TBL1XR1: variants seen among roughly 807,000 people sequenced by gnomAD.
TBL1XR1 encodes TBL1X/Y related 1, also known as F-box-like/WD repeat-containing protein TBL1XR1.
In TBL1XR1, 5 loss-of-function variants were observed where a neutral mutation model predicts 66.9. The observed-to-expected ratio is 0.07, with a 90% CI of 0.04 to 0.16. The LOEUF is 0.16. TBL1XR1 is among the 10% of genes least tolerant of loss of function. TBL1XR1 has a pLI of 1.00. For missense variants in TBL1XR1, 238 were observed against 623.2 expected, an observed-to-expected ratio of 0.38 and a Z score of 6.58; for synonymous variants, 210 against 206.0, an observed-to-expected ratio of 1.02 and a Z score of -0.17.
At chr3:177,127,306 T>C (rs1560205306) in intron 1 of TBL1XR1, among the ~76,000 whole-genome samples, 1 of 152,208 alleles carries the variant, frequency 6.6e-6, no homozygotes, top group Non-Finnish European at 1.5e-5. Context: ...CTTAAAAGTG[T>C]TTAAAATTAT....
At chr3:177,160,578 A>G (rs943847540) in intron 1 of TBL1XR1, among the ~76,000 whole-genome samples, 1 of 151,978 alleles carries the variant, frequency 6.6e-6, no homozygotes, top group African/African-American at 2.4e-5. Flanking sequence ...TTCCAATTCC[A>G]GGATATATTA....
At chr3:177,149,348 C>G (rs1730618641) in intron 1 of TBL1XR1, among the ~76,000 whole-genome samples, 1 of 152,144 alleles carries the variant, frequency 6.6e-6, no homozygotes, top group Non-Finnish European at 1.5e-5. Context: ...TAGCACTCCC[C>G]CAATGACTCT....
intron 1 of TBL1XR1, among the ~76,000 whole-genome samples, chr3:177,186,701 T>A (rs1384031915): frequency 6.6e-6 from 1 of 152,200 alleles, no homozygotes; most frequent in Non-Finnish European, 1.5e-5. Flanking sequence ...TCACATACTT[T>A]CCAGACTATT....
At position 177,053,763 on chromosome 3, in the gene TBL1XR1, T is replaced by G; in HGVS notation, c.204+10A>C. On this transcript the variant is annotated intron_variant, in intron 4 of 15. Coordinates refer to ENST00000457928, the MANE Select transcript of TBL1XR1 (RefSeq NM_024665.7). ...GAAAAAAATCAGTATTTGAAATAAGTCTTCCTTACCTCATTAATACTAACT... is the reference window on the plus strand; with the variant it reads ...GAAAAAAATCAGTATTTGAAATAAGGCTTCCTTACCTCATTAATACTAACT... The G allele has an allele frequency of 1.2e-6, 2 of 1,609,142 alleles. No homozygotes were observed. The highest frequency in any genetic ancestry group is 1.7e-6 in the Non-Finnish European group (2 of 1,177,838).
intron 1 of TBL1XR1, among the ~76,000 whole-genome samples, chr3:177,118,223 G>A (rs556938344): frequency 4.6e-5 from 7 of 152,094 alleles, no homozygotes; most frequent in East Asian, 1.9e-4. Flanking sequence ...AAAATCACTC[G>A]ATCTTTTCAA....
At chr3:177,064,809 AAAACATAC>A in intron 3 of TBL1XR1, 103 bp downstream of exon 3, 2 of 745,366 alleles carry the variant, frequency 2.7e-6, no homozygotes, top group Non-Finnish European at 4.3e-6. Flanking sequence ...AGACATTAAG[AAAACATAC>A]AAAGTTCAAC....
rs116058418 is a variant in TBL1XR1, at chr3:177,130,882, G to A, written c.-121-32341C>T. Among the ~76,000 whole-genome samples, 1,263 of 152,198 alleles carry A rather than the reference G, an allele frequency of 8.3e-3. 29 individuals are homozygous for A. The highest frequency in any genetic ancestry group is 0.029 in the African/African-American group (1,206 of 41,536). On this transcript the variant is annotated intron_variant, in intron 1 of 15. Coordinates refer to ENST00000457928, the MANE Select transcript of TBL1XR1 (RefSeq NM_024665.7). ...GTGAAATTGGTTAAATTACTGAGCCGGACACAGAGGCTTGCACCTATAGTC... is the reference window on the plus strand; with the variant it reads ...GTGAAATTGGTTAAATTACTGAGCCAGACACAGAGGCTTGCACCTATAGTC...
chr3:177,092,831 A>G (rs939799520), intron 2 of TBL1XR1, among the ~76,000 whole-genome samples: 1 of 152,180 alleles, frequency 6.6e-6, no homozygotes, highest in Non-Finnish European at 1.5e-5. Context: ...AGATTTGCAC[A>G]TCCATGTTCA....
In TBL1XR1 at chr3:177,051,641, T is replaced by G; in HGVS notation, c.290A>C (p.Gln97Pro). The G allele has an allele frequency of 6.2e-7, 1 of 1,613,606 alleles. No individual in the cohort carries two copies. The highest frequency in any genetic ancestry group is 8.5e-7 in the Non-Finnish European group (1 of 1,179,734). Residue 97 changes from glutamine (Q) to proline (P), a missense_variant, in exon 5 of 16, where the codon CAA (glutamine) becomes CCA (proline). Physicochemically the swap from Gln to Pro is moderately conservative, Grantham distance 76. Coordinates refer to ENST00000457928, the MANE Select transcript of TBL1XR1 (RefSeq NM_024665.7). ...VMPDVVQTRQ[Q>P]AYRDKLAQQQ... Reference sequence around the variant, plus strand: ...CTGTGCAAGCTTATCTCTATAAGCTTGTTGTCTTGTTTGTACTACATCAGG... The same window carrying G: ...CTGTGCAAGCTTATCTCTATAAGCTGGTTGTCTTGTTTGTACTACATCAGG...
chr3:177,196,735 TC>T (rs538965738), intron 1 of TBL1XR1, among the ~76,000 whole-genome samples: 17 of 95,508 alleles, frequency 1.8e-4, no homozygotes, highest in Admixed American at 5.1e-4. Flanking sequence ...CCTGAAAGCC[TC>T]CCCCCCCAAA....
chr3:177,198,906 A>T (rs977944856), upstream of TBL1XR1, among the ~76,000 whole-genome samples: 9 of 137,034 alleles, frequency 6.6e-5, no homozygotes, highest in South Asian at 4.7e-4. Context: ...ACACACACAC[A>T]CTACTCGTAA....
At chr3:177,037,865 A>G in intron 12 of TBL1XR1, 1 of 455,672 alleles carries the variant, frequency 2.2e-6, no homozygotes, top group Non-Finnish European at 4.0e-6. Flanking sequence ...CATATGTCTC[A>G]TTGTATCACA....
At chr3:177,133,240 T>C (rs1332908847) in intron 1 of TBL1XR1, among the ~76,000 whole-genome samples, 3 of 152,234 alleles carry the variant, frequency 2.0e-5, no homozygotes, top group Middle Eastern at 3.4e-3. Context: ...TGAGCTAAGA[T>C]TGCGCCACTG....
chr3:177,189,075 G>A (rs979064884), intron 1 of TBL1XR1, among the ~76,000 whole-genome samples: 5 of 151,878 alleles, frequency 3.3e-5, no homozygotes, highest in Admixed American at 2.6e-4. Flanking sequence ...GGGCATGGTG[G>A]CACGTTCCTG....
chr3:177,074,748 A>G (rs1239884313), intron 2 of TBL1XR1, among the ~76,000 whole-genome samples: 2 of 152,242 alleles, frequency 1.3e-5, no homozygotes, highest in South Asian at 2.1e-4. Flanking sequence ...ACCTAATATA[A>G]CAAAATGTTA....
chr3:177,034,072 A>T, intron 13 of TBL1XR1, 126 bp downstream of exon 13: 1 of 1,075,540 alleles, frequency 9.3e-7, no homozygotes, highest in Non-Finnish European at 1.3e-6. Flanking sequence ...ACCAAAAACT[A>T]CTGAAATTGG....
At position 177,066,541 on chromosome 3, in the gene TBL1XR1, A is replaced by C. The variant is rs3979211; in HGVS notation, c.-45-1519T>G. 2.8e-3 allele frequency among the ~76,000 whole-genome samples: 420 copies of C among 152,334 alleles called. 2 individuals are homozygous for C. The highest frequency in any genetic ancestry group is 6.8e-3 in the Middle Eastern group (2 of 294). The stretch of plus-strand genomic sequence containing the variant: ...AGAAACTATATTCAGGAGGACCTTC[A>C]AGGCAGCACTAAGAGAAAACAAATC... On this transcript the variant is annotated intron_variant, in intron 2 of 15. Transcript: ENST00000457928.
chr3:177,137,701 G>A (rs977844805), intron 1 of TBL1XR1, among the ~76,000 whole-genome samples: 3 of 152,214 alleles, frequency 2.0e-5, no homozygotes, highest in Admixed American at 6.5e-5. Flanking sequence ...CAGGGTCCTC[G>A]GCTCAGGCCT....
At chr3:177,060,902 T>C (rs181742211) in intron 3 of TBL1XR1, among the ~76,000 whole-genome samples, 101 of 152,358 alleles carry the variant, frequency 6.6e-4, no homozygotes, top group African/African-American at 9.6e-4. Flanking sequence ...TAATCGTTAC[T>C]TACAGTATTA....
Sources: allele counts gnomAD v4.1 joint callset (sites outside exome capture counted in the v4.1 genomes callset), GRCh38; gene constraint gnomAD v4.1.1; transcripts MANE v1.5; gene names NCBI Gene and HGNC (gene_info 2026-07-23, HGNC 2026-07-21).